The following SLC2A12 variants were observed in gnomAD, a reference collection of about 807,000 sequenced individuals.
SLC2A12 encodes the protein solute carrier family 2 member 12, also known as solute carrier family 2, facilitated glucose transporter member 12.
Under a neutral mutation model 41.8 loss-of-function variants are expected in SLC2A12, and 23 were observed. That is an observed-to-expected ratio of 0.55 (90% CI 0.40 to 0.78). The LOEUF is 0.78. SLC2A12 is among the 30% of genes least tolerant of loss of function. SLC2A12 has a pLI of 0.00. For synonymous variants in SLC2A12, 295 were observed against 285.9 expected (o/e 1.03, Z -0.32); for missense variants, 654 against 745.6 (o/e 0.88, Z 1.43).
chr6:134,004,438 T>C (rs778965321), intron 3 of SLC2A12, among the ~76,000 whole-genome samples: 4 of 152,340 alleles, frequency 2.6e-5, no homozygotes, highest in Non-Finnish European at 5.9e-5. Flanking sequence ...ATACTAAATA[T>C]ATATGTATGT....
chr6:134,036,228 T>C (rs1455578016), intron 1 of SLC2A12, among the ~76,000 whole-genome samples: 2 of 152,146 alleles, frequency 1.3e-5, no homozygotes, highest in African/African-American at 4.8e-5. Context: ...CTGTGAATAC[T>C]TTACAAATTT....
Position 134,029,400 on chromosome 6 carries a change from A to T in SLC2A12, c.425T>A (p.Val142Asp). Residue 142 changes from valine to aspartate, a missense_variant, in exon 2 of 5, where the codon GTC (valine) becomes GAC (aspartate). By Grantham distance (152) the Val-to-Asp change is radical. Around this residue, in one of 3 missense-constraint regions of SLC2A12, gnomAD observed 411 missense variants for 412.1 expected, o/e 1.00. Coordinates refer to ENST00000275230, the MANE Select transcript of SLC2A12 (RefSeq NM_145176.3). Reference protein sequence around the residue: ...VLIVGRIAIGVSISLSSIATC... With the variant: ...VLIVGRIAIGDSISLSSIATC... Reference sequence around the variant, plus strand: ...GGCAATGGAAGAGAGGGAGATGGAGACCCCTATGGCAATGCGTCCCACTAT... The same window carrying T: ...GGCAATGGAAGAGAGGGAGATGGAGTCCCCTATGGCAATGCGTCCCACTAT... The T allele has an allele frequency of 6.2e-7, 1 of 1,614,084 alleles. No homozygotes were observed. The highest frequency in any genetic ancestry group is 8.5e-7 in the Non-Finnish European group (1 of 1,180,026).
intron 2 of SLC2A12, among the ~76,000 whole-genome samples, chr6:134,026,161 T>G (rs1181282377): frequency 6.6e-6 from 1 of 152,186 alleles, no homozygotes; most frequent in South Asian, 2.1e-4. Flanking sequence ...TTTTGTGGCT[T>G]TTTCTTAGAC....
At position 134,032,458 on chromosome 6, in the gene SLC2A12, A is replaced by T. The variant is rs1484335372; in HGVS notation, c.104-2737T>A. Reference sequence around the variant, plus strand: ...TATATATATATATATAAATATATATATATATATTTTTATATATATATATAT... The same window carrying T: ...TATATATATATATATAAATATATATTTATATATTTTTATATATATATATAT... On this transcript the variant is annotated intron_variant, in intron 1 of 4. Coordinates refer to ENST00000275230, the MANE Select transcript of SLC2A12 (RefSeq NM_145176.3). 2.7e-3 allele frequency among the ~76,000 whole-genome samples: 95 copies of T among 35,674 alleles called. 2 individuals carry two copies. Among genetic ancestry groups the T allele is most frequent in the African/African-American group, 0.012 (93 of 7,804 alleles). 23.4% of individuals were successfully genotyped at this position (35,674 alleles called of 152,430 possible). A position where few individuals can be genotyped will look rare whatever the true frequency, so the allele number is the denominator to read the frequency against.
intron 4 of SLC2A12, among the ~76,000 whole-genome samples, chr6:133,998,703 G>C (rs1776722518): frequency 6.6e-6 from 1 of 152,168 alleles, no homozygotes; most frequent in South Asian, 2.1e-4. Flanking sequence ...ACCATGCCCA[G>C]CTAATATTTT....
chr6:134,027,031 T>C (rs968512210), intron 2 of SLC2A12, among the ~76,000 whole-genome samples: 1 of 152,172 alleles, frequency 6.6e-6, no homozygotes, highest in Non-Finnish European at 1.5e-5. Context: ...TAGTTATTAA[T>C]TGAGATTAAG....
At chr6:134,034,994 G>A (rs1487976426) in intron 1 of SLC2A12, among the ~76,000 whole-genome samples, 1 of 151,972 alleles carries the variant, frequency 6.6e-6, no homozygotes, top group Non-Finnish European at 1.5e-5. Context: ...CTACCTGGAG[G>A]CTTGTAAGTG....
In SLC2A12 at chr6:134,029,205, C is replaced by T; in HGVS notation, c.620G>A (p.Gly207Glu). ...KYMFGLVIPL[G>E]VLQAIAMYFL... ...ATACATTGCAATTGCTTGCAAAACT[C>T]CCAAGGGAATCACAAGACCAAACAT... Residue 207 changes from glycine to glutamate, a missense_variant, in exon 2 of 5, where the codon GGA (glycine) becomes GAA (glutamate). Gly to Glu is a moderately conservative substitution (Grantham distance 98). Coordinates refer to ENST00000275230, the MANE Select transcript of SLC2A12 (RefSeq NM_145176.3). 1 of 1,614,156 alleles carries T rather than the reference C, an allele frequency of 6.2e-7. No homozygotes were observed. The highest frequency in any genetic ancestry group is 8.5e-7 in the Non-Finnish European group (1 of 1,180,040).
rs543184575 is a variant in SLC2A12, at chr6:134,048,923, A to G, written c.103+3455T>C. On this transcript the variant is annotated intron_variant, in intron 1 of 4. Coordinates refer to ENST00000275230, the MANE Select transcript of SLC2A12 (RefSeq NM_145176.3). The stretch of plus-strand genomic sequence containing the variant: ...TTTCCAAGTCTCCGTCTCTTTTACA[A>G]GTTGACTTCCCCTAGAGCTGACTGA... Among the ~76,000 whole-genome samples, 3 of 152,224 alleles carry G rather than the reference A, an allele frequency of 2.0e-5. No homozygotes were observed. The South Asian group carries it at 6.2e-4, about 32-fold the overall frequency.
chr6:134,020,379 G>T (rs939498858), intron 2 of SLC2A12, among the ~76,000 whole-genome samples: 1 of 152,112 alleles, frequency 6.6e-6, no homozygotes, highest in South Asian at 2.1e-4. Flanking sequence ...CTAAATACCT[G>T]AGCACTAATC....
intron 1 of SLC2A12, among the ~76,000 whole-genome samples, chr6:134,035,674 G>A (rs759000919): frequency 7.9e-5 from 12 of 152,294 alleles, no homozygotes; most frequent in African/African-American, 2.4e-4. Context: ...TGTGATAGGA[G>A]TGTTAGCTGT....
intron 4 of SLC2A12, among the ~76,000 whole-genome samples, chr6:133,995,509 C>T (rs1411774834): frequency 6.6e-6 from 1 of 152,028 alleles, no homozygotes; most frequent in East Asian, 1.9e-4. Flanking sequence ...GAGGAGGTTT[C>T]CAGAGAGAAA....
intron 1 of SLC2A12, among the ~76,000 whole-genome samples, chr6:134,049,234 G>A (rs565704313): frequency 7.2e-5 from 11 of 152,288 alleles, no homozygotes; most frequent in Admixed American, 2.6e-4. Context: ...CGTGAGTCCC[G>A]TTCTTCATGT....
At chr6:134,017,876 A>G (rs1381213881) in intron 2 of SLC2A12, among the ~76,000 whole-genome samples, 2 of 151,832 alleles carry the variant, frequency 1.3e-5, no homozygotes, top group East Asian at 1.9e-4. Context: ...AAAAAAAAAA[A>G]GAAGAGTGGA....
rs760489757 is a variant in SLC2A12, at chr6:133,988,973, T to G, written c.*2182A>C. ...GGTACAGATCCAGATGATGTAACCT[T>G]TTTAGTATTCGCATGACTTGAAAAC... On this transcript the variant is annotated 3_prime_UTR_variant, in exon 5 of 5. Transcript: ENST00000275230. The G allele has an allele frequency of 6.6e-6, 1 of 152,150 alleles. No individual in the cohort carries two copies. Among genetic ancestry groups the G allele is most frequent in the African/African-American group, 2.4e-5 (1 of 41,454 alleles). 9.4% of individuals were successfully genotyped at this position (152,150 alleles called of 1,614,324 possible).
In SLC2A12 at chr6:134,052,082, G is replaced by C. The variant is rs183709807; in HGVS notation, c.103+296C>G. The stretch of plus-strand genomic sequence containing the variant: ...ATTGTATTATGTAAACACAATCAAG[G>C]GGACCCATCATACCAGTGGTGGATG... On this transcript the variant is annotated intron_variant, in intron 1 of 4. Coordinates refer to ENST00000275230, the MANE Select transcript of SLC2A12 (RefSeq NM_145176.3). 2.9e-3 allele frequency among the ~76,000 whole-genome samples: 441 copies of C among 152,072 alleles called. 3 individuals carry two copies. The highest frequency in any genetic ancestry group is 0.01 in the African/African-American group (417 of 41,484).
chr6:133,994,510 G>A lies in SLC2A12; in HGVS notation c.1701-3202C>T, dbSNP rs545105213. On this transcript the variant is annotated intron_variant, in intron 4 of 4. Transcript: ENST00000275230. The stretch of plus-strand genomic sequence containing the variant: ...TAGGAGGCCGAGGTGGGTGGATCAC[G>A]AGGTCAGGAGATCGAGACCATCCTG... Among the ~76,000 whole-genome samples the A allele has an allele frequency of 5.3e-5, 8 of 152,182 alleles. No individual in the cohort carries two copies. The East Asian group carries it at 1.2e-3, about 22-fold the overall frequency.
At chr6:133,999,868 G>A (rs1562190667) in intron 4 of SLC2A12, among the ~76,000 whole-genome samples, 1 of 152,212 alleles carries the variant, frequency 6.6e-6, no homozygotes, top group South Asian at 2.1e-4. Context: ...GAGAAATGGA[G>A]GAATACCAAT....
intron 1 of SLC2A12, among the ~76,000 whole-genome samples, chr6:134,051,816 C>A (rs1477375902): frequency 6.6e-6 from 1 of 152,212 alleles, no homozygotes; most frequent in East Asian, 1.9e-4. Context: ...CGCTCAAATT[C>A]ATCACAAACG....
Sources: allele counts gnomAD v4.1 joint callset (sites outside exome capture counted in the v4.1 genomes callset), GRCh38; gene constraint gnomAD v4.1.1; regional missense constraint gnomAD v4.1.1; transcripts MANE v1.5; gene names NCBI Gene and HGNC (gene_info 2026-07-23, HGNC 2026-07-21).